The following LRRC7 variants were observed in gnomAD, a reference collection of about 807,000 sequenced individuals.
LRRC7 encodes leucine-rich repeat-containing protein 7.
A neutral mutation model predicts 175.7 loss-of-function variants in LRRC7; 23 were observed. The observed-to-expected ratio is 0.13, with a 90% confidence interval of 0.09 to 0.19. The LOEUF (loss-of-function observed/expected upper bound fraction) is 0.19. LRRC7 is among the 10% of genes least tolerant of loss of function. The probability of loss-of-function intolerance (pLI) is 1.00; values close to 1 mark genes in which losing one functional copy is unlikely to be tolerated. For missense variants in LRRC7, 1,354 were observed against 1,904.7 expected (o/e 0.71, Z 5.38); for synonymous variants, 685 against 680.9 (o/e 1.01, Z -0.09).
At chr1:69,657,255 G>T (rs533390445) in intron 1 of LRRC7, among the ~76,000 whole-genome samples, 5 of 151,848 alleles carry the variant, frequency 3.3e-5, no homozygotes, top group African/African-American at 9.6e-5. Context: ...AAGACTAAAA[G>T]AATAATATTT....
At position 70,137,054 on chromosome 1, in the gene LRRC7, C is replaced by T. The variant is rs538736807; in HGVS notation, c.*15167C>T. Among the ~76,000 whole-genome samples the T allele has an allele frequency of 6.6e-6, 1 of 152,162 alleles. No homozygotes were observed. The highest frequency in any genetic ancestry group is 1.5e-5 in the Non-Finnish European group (1 of 68,006). ...TGCTTTTATAATATGACCCAAGGAA[C>T]GTTTTCTGTTATCTCAGGAAGGAAA... is the stretch of plus-strand genomic sequence containing the variant. On this transcript the variant is annotated 3_prime_UTR_variant, in exon 27 of 27. Transcript: ENST00000651989.
chr1:69,765,451 A>G (rs1225682095), intron 3 of LRRC7, among the ~76,000 whole-genome samples: 1 of 152,130 alleles, frequency 6.6e-6, no homozygotes, highest in Non-Finnish European at 1.5e-5. Context: ...CACCCAATGC[A>G]GAATCATATG....
chr1:70,012,543 A>G (rs1281707679), intron 12 of LRRC7, among the ~76,000 whole-genome samples: 2 of 151,826 alleles, frequency 1.3e-5, no homozygotes, highest in African/African-American at 4.8e-5. Context: ...AAAACATATT[A>G]TTAAAAATGA....
chr1:69,720,121 C>T (rs1300836740), intron 2 of LRRC7, among the ~76,000 whole-genome samples: 1 of 151,532 alleles, frequency 6.6e-6, no homozygotes. Flanking sequence ...TTAAAATAAA[C>T]TTGGGTTTAT....
At chr1:70,065,554 T>C (rs1661909732) in intron 23 of LRRC7, among the ~76,000 whole-genome samples, 1 of 151,974 alleles carries the variant, frequency 6.6e-6, no homozygotes, top group Non-Finnish European at 1.5e-5. Flanking sequence ...CAATAGGTTG[T>C]TAATGAGACC....
chr1:69,614,770 C>A (rs1649356251), intron 1 of LRRC7, among the ~76,000 whole-genome samples: 1 of 152,024 alleles, frequency 6.6e-6, no homozygotes, highest in South Asian at 2.1e-4. Context: ...TGCAACAAAT[C>A]TACTTACTGT....
chr1:69,985,640 C>G (rs1157034393), intron 9 of LRRC7, among the ~76,000 whole-genome samples: 1 of 152,176 alleles, frequency 6.6e-6, no homozygotes, highest in Admixed American at 6.5e-5. Flanking sequence ...CTCCCACACT[C>G]CCCATCCACC....
At chr1:69,910,150 G>A (rs1243999998) in intron 7 of LRRC7, among the ~76,000 whole-genome samples, 1 of 151,988 alleles carries the variant, frequency 6.6e-6, no homozygotes. Context: ...CTCTGTATTG[G>A]TTATTCTAGT....
intron 8 of LRRC7, among the ~76,000 whole-genome samples, chr1:69,968,403 C>T (rs936088451): frequency 1.2e-4 from 19 of 152,062 alleles, no homozygotes; most frequent in African/African-American, 4.6e-4. Flanking sequence ...GGAAAACTTC[C>T]CCAGCCTTGC....
At chr1:69,851,753 G>T (rs1683015978) in intron 7 of LRRC7, among the ~76,000 whole-genome samples, 6 of 152,166 alleles carry the variant, frequency 3.9e-5, no homozygotes. Context: ...TCTTCTGGCG[G>T]TGTTGACCAC....
intron 11 of LRRC7, among the ~76,000 whole-genome samples, chr1:69,999,450 T>C (rs1025644756): frequency 3.9e-5 from 6 of 152,170 alleles, no homozygotes; most frequent in African/African-American, 1.2e-4. Context: ...AGAAGCAGTA[T>C]TTCAAAAGAG....
chr1:69,818,534 T>C (rs148187338), intron 4 of LRRC7, among the ~76,000 whole-genome samples: 18 of 152,264 alleles, frequency 1.2e-4, no homozygotes, highest in Non-Finnish European at 4.4e-5. Flanking sequence ...TTGAGGATTT[T>C]TGCACATATG....
intron 25 of LRRC7, among the ~76,000 whole-genome samples, chr1:70,097,470 T>G (rs1380854362): frequency 1.3e-5 from 2 of 152,206 alleles, no homozygotes; most frequent in Non-Finnish European, 2.9e-5. Context: ...TTTACCATTT[T>G]TTTATTGTAC....
intron 23 of LRRC7, among the ~76,000 whole-genome samples, chr1:70,053,944 C>T (rs1416537254): frequency 6.6e-6 from 1 of 152,086 alleles, no homozygotes. Context: ...TTTACATTTA[C>T]TAGACTGGCA....
intron 23 of LRRC7, among the ~76,000 whole-genome samples, chr1:70,067,846 G>A (rs970166243): frequency 2.0e-5 from 3 of 152,066 alleles, no homozygotes; most frequent in African/African-American, 7.2e-5. Context: ...TGCTTAATTT[G>A]TACCTAAGTA....
At position 70,127,967 on chromosome 1, in the gene LRRC7, C is replaced by CT. The variant is rs536929817; in HGVS notation, c.*6089dup. Among the ~76,000 whole-genome samples, 2 of 151,282 alleles carry CT rather than the reference C, an allele frequency of 1.3e-5. No homozygotes were observed. Among genetic ancestry groups the CT allele is most frequent in the African/African-American group, 2.4e-5 (1 of 41,200 alleles). ...TTTTATGTGACTTTTTCTTTTCTTT[C>CT]TTTTTTTTTCTTGAGACAGAGTCTT... On this transcript the variant is annotated 3_prime_UTR_variant, in exon 27 of 27. Coordinates refer to ENST00000651989, the MANE Select transcript of LRRC7 (RefSeq NM_001370785.2).
chr1:69,798,964 AT>A (rs1042110947), intron 4 of LRRC7, among the ~76,000 whole-genome samples: 4 of 150,872 alleles, frequency 2.7e-5, no homozygotes, highest in Non-Finnish European at 4.4e-5. Flanking sequence ...TGAAGTTGGC[AT>A]TTTTTTTCTT....
At chr1:69,669,888 A>AT (rs1658817616) in intron 1 of LRRC7, among the ~76,000 whole-genome samples, 1 of 152,128 alleles carries the variant, frequency 6.6e-6, no homozygotes, top group Admixed American at 6.6e-5. Flanking sequence ...CAGTATGCCA[A>AT]TTGGATTTTT....
chr1:70,078,803 C>T (rs969782928), intron 24 of LRRC7, among the ~76,000 whole-genome samples: 17 of 104,632 alleles, frequency 1.6e-4, no homozygotes, highest in African/African-American at 4.6e-4. Context: ...CGCGCGCGCG[C>T]GCGCGCGCAC....
Sources: gnomAD v4.1 joint callset for allele counts (sites outside exome capture counted in the v4.1 genomes callset) on GRCh38, gnomAD v4.1.1 for gene constraint, MANE v1.5 for transcripts, NCBI Gene and HGNC (gene_info 2026-07-23, HGNC 2026-07-21) for gene names.